The following TMEM132D variants were observed in gnomAD, a reference collection of about 807,000 sequenced individuals.
TMEM132D encodes the protein transmembrane protein 132D, also known as mature OL transmembrane protein.
A neutral mutation model predicts 62.3 loss-of-function variants in TMEM132D; 21 were observed. The observed-to-expected ratio is 0.34, with a 90% CI of 0.24 to 0.49. The LOEUF (loss-of-function observed/expected upper bound fraction) is 0.49, where lower values mean the gene tolerates loss of function less well. Ranked by LOEUF, TMEM132D falls within the 20% of genes least tolerant of loss-of-function variation. The probability of loss-of-function intolerance (pLI) is 0.99; values close to 1 mark genes in which losing one functional copy is unlikely to be tolerated. For synonymous variants in TMEM132D, 621 were observed against 575.6 expected (o/e 1.08, Z -1.13); for missense variants, 1,346 against 1,402.8 (o/e 0.96, Z 0.65).
At chr12:129,583,475 G>C (rs998114434) in intron 2 of TMEM132D, among the ~76,000 whole-genome samples, 1 of 152,222 alleles carries the variant, frequency 6.6e-6, no homozygotes, top group African/African-American at 2.4e-5. Flanking sequence ...CACAATGGGT[G>C]ACGTTGACTC....
chr12:129,363,584 T>C (rs962520386), intron 3 of TMEM132D, among the ~76,000 whole-genome samples: 1 of 152,190 alleles, frequency 6.6e-6, no homozygotes, highest in Non-Finnish European at 1.5e-5. Context: ...AATTCCAATA[T>C]GTATCTAGTT....
intron 1 of TMEM132D, among the ~76,000 whole-genome samples, chr12:129,832,787 C>T (rs747686150): frequency 3.9e-5 from 6 of 152,150 alleles, no homozygotes; most frequent in South Asian, 2.1e-4. Context: ...TTTATGGAGC[C>T]GTCACTTTTC....
chr12:129,439,811 C>T (rs1330968091), intron 3 of TMEM132D, among the ~76,000 whole-genome samples: 1 of 152,052 alleles, frequency 6.6e-6, no homozygotes, highest in Non-Finnish European at 1.5e-5. Context: ...TATGTGCTGA[C>T]CTTTCTTTGG....
chr12:129,300,011 C>T lies in TMEM132D; in HGVS notation c.1299+37623G>A, dbSNP rs146562790. Among the ~76,000 whole-genome samples the T allele has an allele frequency of 3.2e-3, 491 of 152,166 alleles. 2 individuals carry two copies. The highest frequency in any genetic ancestry group is 0.011 in the African/African-American group (471 of 41,498). On this transcript the variant is annotated intron_variant, in intron 4 of 8. Coordinates refer to ENST00000422113, the MANE Select transcript of TMEM132D (RefSeq NM_133448.3). ...TTAAAAGGTTGATTTCTTTTAAAGG[C>T]GAAAAAGTGAAGAAATAAACCTCAC... is the stretch of plus-strand genomic sequence containing the variant.
chr12:129,782,517 A>G (rs541516057), intron 1 of TMEM132D, among the ~76,000 whole-genome samples: 17 of 152,344 alleles, frequency 1.1e-4, no homozygotes, highest in African/African-American at 4.1e-4. Flanking sequence ...AAGTAGCACA[A>G]TGCTTACAAA....
At chr12:129,564,298 G>C (rs1877312180) in intron 2 of TMEM132D, among the ~76,000 whole-genome samples, 1 of 152,180 alleles carries the variant, frequency 6.6e-6, no homozygotes, top group Non-Finnish European at 1.5e-5. Context: ...TATGTCATGT[G>C]GCATAGTTCC....
chr12:129,786,462 GTAAT>G (rs1293539354), intron 1 of TMEM132D, among the ~76,000 whole-genome samples: 4 of 152,352 alleles, frequency 2.6e-5, no homozygotes, highest in Admixed American at 2.6e-4. Flanking sequence ...AAAGGGAACT[GTAAT>G]TAATCAGCTT....
chr12:129,564,489 C>T (rs1299255210), intron 2 of TMEM132D, among the ~76,000 whole-genome samples: 1 of 152,206 alleles, frequency 6.6e-6, no homozygotes, highest in Non-Finnish European at 1.5e-5. Context: ...CCACAGTCTC[C>T]TTGGACAGTT....
At position 129,074,732 on chromosome 12, in the gene TMEM132D, C is replaced by T. The variant is rs748994380; in HGVS notation, c.2443G>A (p.Gly815Arg). 5.0e-6 allele frequency: 8 copies of T among 1,614,146 alleles called. No individual in the cohort carries two copies. The highest frequency in any genetic ancestry group is 2.2e-5 in the East Asian group (1 of 44,870). The change falls in exon 9 of 9, where the codon GGG (glycine) becomes AGG (arginine). Residue 815 changes from glycine to arginine, a missense_variant. Physicochemically the swap from Gly to Arg is moderately radical, Grantham distance 125 (BLOSUM62 -2). Coordinates refer to ENST00000422113, the MANE Select transcript of TMEM132D (RefSeq NM_133448.3). The part of the protein sequence containing the change: ...NTSDSRHTGA[G>R]VHMENNVSDR... ...CTGACATTGTTTTCCATGTGAACCC[C>T]TGCCCCTGTGTGTCTGCTGTCACTG... is the stretch of plus-strand genomic sequence containing the variant.
At chr12:129,631,298 T>C (rs1879339291) in intron 2 of TMEM132D, among the ~76,000 whole-genome samples, 1 of 152,092 alleles carries the variant, frequency 6.6e-6, no homozygotes, top group Non-Finnish European at 1.5e-5. Flanking sequence ...GATAAAACCA[T>C]GGGCACCATC....
In TMEM132D at chr12:129,074,214, T is replaced by C. The variant is rs2135602202; in HGVS notation, c.2961A>G (p.Gln987=). Residue 987 remains glutamine, a synonymous_variant, in exon 9 of 9, where the codon CAA becomes CAG. Transcript: ENST00000422113. ...CCATGCCCCTGTCAATGGCAGTGAT[T>C]TGCTCATCTTGCGAGGAGGCAAAGT... ...HINFASSQDE[Q]ITAIDRGMDF... is the part of the protein sequence containing the mutation. The C allele has an allele frequency of 6.2e-7, 1 of 1,614,040 alleles. No homozygotes were observed. Among genetic ancestry groups the C allele is most frequent in the Non-Finnish European group, 8.5e-7 (1 of 1,180,004 alleles).
chr12:129,243,764 G>C (rs555756535), intron 4 of TMEM132D, among the ~76,000 whole-genome samples: 56 of 152,270 alleles, frequency 3.7e-4, no homozygotes, highest in African/African-American at 1.3e-3. Flanking sequence ...TAGCATGAAT[G>C]AGAAATATAA....
chr12:129,877,205 T>C (rs2137382413), intron 1 of TMEM132D, among the ~76,000 whole-genome samples: 1 of 78,198 alleles, frequency 1.3e-5, no homozygotes, highest in Non-Finnish European at 3.1e-5. Flanking sequence ...TATAATACTA[T>C]ATTAAAACTA....
intron 3 of TMEM132D, among the ~76,000 whole-genome samples, chr12:129,369,417 C>T (rs1484240731): frequency 7.9e-5 from 12 of 151,968 alleles, no homozygotes; most frequent in African/African-American, 1.9e-4. Flanking sequence ...TATTCACAGT[C>T]GGACACCTCA....
chr12:129,249,865 C>A (rs772450130), intron 4 of TMEM132D, among the ~76,000 whole-genome samples: 86 of 152,276 alleles, frequency 5.6e-4, no homozygotes, highest in Non-Finnish European at 5.7e-4. Flanking sequence ...TAATTTGAAG[C>A]AAGTTTAACA....
chr12:129,770,319 T>A (rs1053636620), intron 1 of TMEM132D, among the ~76,000 whole-genome samples: 5 of 152,104 alleles, frequency 3.3e-5, no homozygotes, highest in African/African-American at 1.2e-4. Context: ...AATTTTTGTA[T>A]TTTTAGTACA....
rs138019080 is a variant in TMEM132D at position 129,169,259 on chromosome 12, T to C, written c.1443+40261A>G. 7.9e-4 allele frequency among the ~76,000 whole-genome samples: 121 copies of C among 152,306 alleles called. 3 individuals are homozygous for C. In the South Asian group the frequency reaches 0.011, roughly 14 times the overall value. On this transcript the variant is annotated intron_variant, in intron 5 of 8. Transcript: ENST00000422113. The stretch of plus-strand genomic sequence containing the variant: ...GGGGGTCCTGCTCTGAGAAGAACCA[T>C]TGGAGCATTCACTCATCCTTTACTT...
chr12:129,244,109 G>C (rs1012525382), intron 4 of TMEM132D, among the ~76,000 whole-genome samples: 1 of 152,174 alleles, frequency 6.6e-6, no homozygotes, highest in African/African-American at 2.4e-5. Flanking sequence ...ATTCCGGCCG[G>C]GTGCGGTGGC....
chr12:129,801,589 A>G (rs1332525189), intron 1 of TMEM132D, among the ~76,000 whole-genome samples: 1 of 150,828 alleles, frequency 6.6e-6, no homozygotes, highest in Non-Finnish European at 1.5e-5. Context: ...AGATGGGGAA[A>G]AAACAGAACA....
Sources: allele counts gnomAD v4.1 joint callset (sites outside exome capture counted in the v4.1 genomes callset), GRCh38; gene constraint gnomAD v4.1.1; transcripts MANE v1.5; gene names NCBI Gene and HGNC (gene_info 2026-07-23, HGNC 2026-07-21).